KCNE2: variants seen among roughly 807,000 people sequenced by gnomAD.
KCNE2 encodes the protein potassium voltage-gated channel subfamily E regulatory subunit 2, also known as potassium voltage-gated channel subfamily E member 2.
In KCNE2, 4 loss-of-function variants were observed where a neutral mutation model predicts 4.5. The observed-to-expected ratio is 0.89, with a 90% CI of 0.44 to 2.03. The LOEUF is 2.03. Ranked by LOEUF, KCNE2 falls within the 30% of genes most tolerant of loss-of-function variation. KCNE2 has a pLI of 0.03. For synonymous variants in KCNE2, 57 were observed against 55.9 expected (o/e 1.02, Z -0.09); for missense variants, 137 against 151.4 (o/e 0.90, Z 0.50).
chr21:34,364,151 G>T lies in KCNE2; in HGVS notation c.-13G>T. 1 of 152,282 alleles carries T rather than the reference G, an allele frequency of 6.6e-6. No homozygotes were observed. 9.4% of individuals were successfully genotyped at this position (152,282 alleles called of 1,614,324 possible). On this transcript the variant is annotated splice_region_variant and 5_prime_UTR_variant, in exon 1 of 2. Coordinates refer to ENST00000290310, the MANE Select transcript of KCNE2 (RefSeq NM_172201.2). The stretch of plus-strand genomic sequence containing the variant: ...TTTCATCCTGCCCACACACTGCATA[G>T]GTAAGTCTTAGCACACATTCTTTAT...
At chr21:34,365,751 CAGTT>C (rs1223843153) in intron 1 of KCNE2, among the ~76,000 whole-genome samples, 2 of 152,206 alleles carry the variant, frequency 1.3e-5, no homozygotes, top group East Asian at 1.9e-4. Flanking sequence ...GTCTATCAGT[CAGTT>C]AAACAGTAAT....
chr21:34,364,464 T>C lies in KCNE2; in HGVS notation c.-13+313T>C, dbSNP rs117961635. Among the ~76,000 whole-genome samples, 898 of 152,212 alleles carry C rather than the reference T, an allele frequency of 5.9e-3. 4 individuals are homozygous for C. Among genetic ancestry groups the C allele is most frequent in the Non-Finnish European group, 6.3e-3 (427 of 68,000 alleles). On this transcript the variant is annotated intron_variant, in intron 1 of 1. Transcript: ENST00000290310. ...CCCAGGTGATGTGAGCGATCTACCATGTTTCAAGAAAAGAAAACTTTGGGG... is the reference window on the plus strand; with the variant it reads ...CCCAGGTGATGTGAGCGATCTACCACGTTTCAAGAAAAGAAAACTTTGGGG...
Position 34,365,821 on chromosome 21 carries a change from T to A in KCNE2, c.-13+1670T>A, listed in dbSNP as rs72550223. Among the ~76,000 whole-genome samples, 72 of 152,396 alleles carry A rather than the reference T, an allele frequency of 4.7e-4. 1 individual carries two copies. Among genetic ancestry groups the A allele is most frequent in the South Asian group, 1.7e-3 (8 of 4,834 alleles). ...TTATAATTGGAATGTCTTAGCATAATGTCCTTCAACGAAGCTGCTTTCACA... is the reference window on the plus strand; with the variant it reads ...TTATAATTGGAATGTCTTAGCATAAAGTCCTTCAACGAAGCTGCTTTCACA... On this transcript the variant is annotated intron_variant, in intron 1 of 1. Transcript: ENST00000290310.
chr21:34,368,157 A>T (rs991792857), intron 1 of KCNE2, among the ~76,000 whole-genome samples: 2 of 148,146 alleles, frequency 1.4e-5, no homozygotes, highest in African/African-American at 5.0e-5. Flanking sequence ...GTTGGCAGAC[A>T]TGACAGCCGA....
intron 1 of KCNE2, among the ~76,000 whole-genome samples, chr21:34,366,347 G>T (rs1979288883): frequency 6.6e-6 from 1 of 152,040 alleles, no homozygotes; most frequent in Admixed American, 6.6e-5. Flanking sequence ...CTTTTCGAGG[G>T]ATCTTTAACA....
At chr21:34,364,282 C>G (rs1408502733) in intron 1 of KCNE2, 131 bp downstream of exon 1, 1 of 152,314 alleles carries the variant, frequency 6.6e-6, no homozygotes, top group Non-Finnish European at 1.5e-5. Flanking sequence ...ACTCTTCCTT[C>G]TTTCCTTCTT....
chr21:34,368,230 ATATATAT>A (rs1341267913), intron 1 of KCNE2, among the ~76,000 whole-genome samples: 33 of 13,094 alleles, frequency 2.5e-3, no homozygotes, highest in South Asian at 5.4e-3. Context: ...CACACACACA[ATATATAT>A]ATATATATAT....
Position 34,371,040 on chromosome 21 carries a change from C to T in KCNE2, c.*190C>T, listed in dbSNP as rs1979570816. ...TTTCAATCTCAGTGATTTATGCTTG[C>T]TTGTTGGAGCAATATTTTGTGCTGA... On this transcript the variant is annotated 3_prime_UTR_variant, in exon 2 of 2. Transcript: ENST00000290310. 2.9e-6 allele frequency: 2 copies of T among 701,310 alleles called. No homozygotes were observed. Among genetic ancestry groups the T allele is most frequent in the Admixed American group, 2.7e-5 (1 of 37,540 alleles). 43.4% of individuals were successfully genotyped at this position (701,310 alleles called of 1,614,324 possible).
At chr21:34,366,291 A>G (rs1276920578) in intron 1 of KCNE2, among the ~76,000 whole-genome samples, 2 of 152,270 alleles carry the variant, frequency 1.3e-5, no homozygotes, top group African/African-American at 4.8e-5. Context: ...CTACGTGCAT[A>G]GGTATACTTT....
At chr21:34,369,528 C>T (rs1053535932) in intron 1 of KCNE2, among the ~76,000 whole-genome samples, 2 of 151,470 alleles carry the variant, frequency 1.3e-5, no homozygotes, top group Admixed American at 6.6e-5. Context: ...CCAGCCTGGA[C>T]GACAGAGCAA....
rs781775671 is a variant in KCNE2, at chr21:34,368,229, A to ATATAT, written c.-12-2238_-12-2237insTATAT. On this transcript the variant is annotated intron_variant, in intron 1 of 1. Transcript: ENST00000290310. ...CACACACACACACACACACACACAC[A>ATATAT]ATATATATATATATATATATATATA... is the stretch of plus-strand genomic sequence containing the variant. Among the ~76,000 whole-genome samples, 65 of 84,760 alleles carry ATATAT rather than the reference A, an allele frequency of 7.7e-4. 1 individual carries two copies. Among genetic ancestry groups the ATATAT allele is most frequent in the Admixed American group, 5.5e-3 (39 of 7,140 alleles). 55.6% of individuals were successfully genotyped at this position (84,760 alleles called of 152,430 possible). A position where few individuals can be genotyped will look rare whatever the true frequency, so the allele number is the denominator to read the frequency against.
chr21:34,369,115 G>A (rs940083410), intron 1 of KCNE2, among the ~76,000 whole-genome samples: 2 of 152,212 alleles, frequency 1.3e-5, no homozygotes, highest in South Asian at 2.1e-4. Flanking sequence ...GAACTGTAGT[G>A]AGCAAAGGGT....
intron 1 of KCNE2, among the ~76,000 whole-genome samples, chr21:34,367,901 C>T (rs570044484): frequency 3.0e-4 from 45 of 152,122 alleles, no homozygotes; most frequent in African/African-American, 1.0e-3. Context: ...CCACTTGCCC[C>T]ATCTATGAAC....
rs1050957877 is a variant in KCNE2, at chr21:34,370,946, G to T, written c.*96G>T. 5.4e-6 allele frequency: 8 copies of T among 1,491,268 alleles called. No homozygotes were observed. In the African/African-American group the frequency reaches 1.1e-4, roughly 21 times the overall value. The allele number at this position is 1,491,268 out of a possible 1,614,324, so 92.4% of individuals were successfully genotyped here. A position where few individuals can be genotyped will look rare whatever the true frequency, so the allele number is the denominator to read the frequency against. On this transcript the variant is annotated 3_prime_UTR_variant, in exon 2 of 2. Coordinates refer to ENST00000290310, the MANE Select transcript of KCNE2 (RefSeq NM_172201.2). Reference sequence around the variant, plus strand: ...CCAAATTGTCTTTGCTTAGAAGAAAGTGAGTTCCTTGCTCTCTGTTGAGAA... The same window carrying T: ...CCAAATTGTCTTTGCTTAGAAGAAATTGAGTTCCTTGCTCTCTGTTGAGAA...
At chr21:34,368,823 A>G (rs934158351) in intron 1 of KCNE2, among the ~76,000 whole-genome samples, 7 of 152,166 alleles carry the variant, frequency 4.6e-5, no homozygotes, top group African/African-American at 1.4e-4. Context: ...TTTTAAACAA[A>G]AGTAATATGA....
intron 1 of KCNE2, among the ~76,000 whole-genome samples, chr21:34,364,567 C>T (rs1262894593): frequency 2.0e-5 from 3 of 152,066 alleles, no homozygotes; most frequent in East Asian, 1.9e-4. Context: ...GTCAGGAGAT[C>T]GAGACCAGCC....
Position 34,370,585 on chromosome 21 carries a change from C to T in KCNE2, c.107C>T (p.Ala36Val). 1 of 1,614,172 alleles carries T rather than the reference C, an allele frequency of 6.2e-7. No homozygotes were observed. The highest frequency in any genetic ancestry group is 8.5e-7 in the Non-Finnish European group (1 of 1,180,040). ...WRQNTTAEQEALQAKVDAENF... is the reference protein window; with the variant it reads ...WRQNTTAEQEVLQAKVDAENF... ...CAGAACACAACAGCTGAGCAAGAGG[C>T]CCTCCAAGCCAAAGTTGATGCTGAG... The change falls in exon 2 of 2, where the codon GCC becomes GTC. Residue 36 changes from alanine (A) to valine (V), a missense_variant. Physicochemically the swap from Ala to Val is moderately conservative, Grantham distance 64. Transcript: ENST00000290310.
chr21:34,366,931 A>G (rs2123419804), intron 1 of KCNE2, among the ~76,000 whole-genome samples: 1 of 135,158 alleles, frequency 7.4e-6, no homozygotes, highest in Admixed American at 8.3e-5. Flanking sequence ...GTAAGCCGAG[A>G]TCGCGCCACT....
intron 1 of KCNE2, 83 bp from the exon 2 acceptor site, chr21:34,370,384 C>G: frequency 6.5e-7 from 1 of 1,534,608 alleles, no homozygotes; most frequent in Non-Finnish European, 9.0e-7. Flanking sequence ...ACCCTGGCAT[C>G]TCCCTCCCAC....
Sources: allele counts gnomAD v4.1 joint callset (sites outside exome capture counted in the v4.1 genomes callset), GRCh38; gene constraint gnomAD v4.1.1; transcripts MANE v1.5; gene names NCBI Gene and HGNC (gene_info 2026-07-23, HGNC 2026-07-21).